Variants in ZNF333 observed in about 807,000 individuals in gnomAD.
ZNF333 encodes zinc finger protein 333.
A neutral mutation model predicts 76.1 loss-of-function variants in ZNF333; 61 were observed. The ratio of observed to expected loss-of-function variants is 0.80; its 90% CI spans 0.65 to 0.99. The LOEUF is 0.99. Ranked by LOEUF, ZNF333 falls within the 50% of genes least tolerant of loss-of-function variation. ZNF333 has a pLI of 0.00. For synonymous variants in ZNF333, 284 were observed against 305.0 expected (o/e 0.93, Z 0.72); for missense variants, 717 against 822.4 (o/e 0.87, Z 1.57).
rs2042399752 is a variant in ZNF333, at chr19:14,715,384, G to A, written c.514G>A (p.Val172Met). The A allele has an allele frequency of 1.9e-6, 3 of 1,613,722 alleles. No homozygotes were observed. Among genetic ancestry groups the A allele is most frequent in the Admixed American group, 1.7e-5 (1 of 59,982 alleles). The change falls in exon 8 of 12, where the codon GTG (valine) becomes ATG (methionine). Residue 172 changes from valine (V) to methionine (M), a missense_variant and splice_region_variant. Coordinates refer to ENST00000292530, the MANE Select transcript of ZNF333 (RefSeq NM_032433.4). The stretch of plus-strand genomic sequence containing the variant: ...ATGCCTCTTCCCTTCTCCCCTAGCT[G>A]TGCCTGCACGTGACCCTGCCTGGCT... The part of the protein sequence containing the change: ...RNPWVARDSA[V>M]PARDPAWLQE...
chr19:14,714,278 A>T (rs1019576277), intron 7 of ZNF333, among the ~76,000 whole-genome samples: 4 of 152,088 alleles, frequency 2.6e-5, no homozygotes, highest in African/African-American at 9.7e-5. Flanking sequence ...CCAAGTTAGG[A>T]GGTCACAAGG....
At chr19:14,694,198 C>T (rs886801502) in intron 2 of ZNF333, among the ~76,000 whole-genome samples, 5 of 152,074 alleles carry the variant, frequency 3.3e-5, no homozygotes, top group African/African-American at 7.2e-5. Flanking sequence ...TGAGGCCGGG[C>T]GTGGTGGCTC....
chr19:14,703,649 G>A (rs1038865474), intron 5 of ZNF333, among the ~76,000 whole-genome samples: 3 of 152,176 alleles, frequency 2.0e-5, no homozygotes, highest in African/African-American at 4.8e-5. Context: ...AGGAGCGAGG[G>A]GATAGCCCAG....
In ZNF333 at chr19:14,720,899, A is replaced by C; in HGVS notation, c.*1574A>C. ...AGTTTTTAAATTTATGTATATACATACATATATATGTTTTGAAGCAATGAA... is the reference window on the plus strand; with the variant it reads ...AGTTTTTAAATTTATGTATATACATCCATATATATGTTTTGAAGCAATGAA... On this transcript the variant is annotated 3_prime_UTR_variant, in exon 12 of 12. Transcript: ENST00000292530. 1.1e-6 allele frequency: 1 copy of C among 876,856 alleles called. No homozygotes were observed. The highest frequency in any genetic ancestry group is 1.4e-6 in the Non-Finnish European group (1 of 731,372). 54.3% of individuals were successfully genotyped at this position (876,856 alleles called of 1,614,324 possible).
exon 12 of ZNF333, chr19:14,733,649 A>G (rs2042700497): frequency 1.3e-5 from 2 of 152,200 alleles, no homozygotes; most frequent in Non-Finnish European, 1.5e-5. Flanking sequence ...AAATCCTTAA[A>G]CACTCTTAGT....
chr19:14,713,256 G>C (rs1466109820), intron 7 of ZNF333, among the ~76,000 whole-genome samples: 4 of 152,136 alleles, frequency 2.6e-5, no homozygotes, highest in Admixed American at 6.6e-5. Context: ...GAGAAAAAGG[G>C]GTCATGGGTC....
chr19:14,718,267 G>C lies in ZNF333; in HGVS notation c.940G>C (p.Glu314Gln). 1 of 1,613,604 alleles carries C rather than the reference G, an allele frequency of 6.2e-7. No individual in the cohort carries two copies. ...TGGAGAAAAACTCTATAAATATAAT[G>C]AACTTGAGAAACCTTTTAACAGCAT... ...QPGEKLYKYN[E>Q]LEKPFNSIEP... The change falls in exon 12 of 12, where the codon GAA (glutamate) becomes CAA (glutamine). Residue 314 changes from glutamate to glutamine, a missense_variant. Glu to Gln is a conservative substitution (Grantham distance 29). Coordinates refer to ENST00000292530, the MANE Select transcript of ZNF333 (RefSeq NM_032433.4).
downstream of ZNF333, among the ~76,000 whole-genome samples, chr19:14,725,175 A>C (rs746387770): frequency 6.6e-6 from 1 of 152,108 alleles, no homozygotes; most frequent in Non-Finnish European, 1.5e-5. Context: ...GGGAGATTGC[A>C]TGCTCTTTTA....
rs537218379 is a variant in ZNF333 at position 14,721,005 on chromosome 19, A to G, written c.*1680A>G. ...TTATAAAGTGATCATCCTTTTCCCT[A>G]TTACTGAACATTCAACCATTCATTG... is the stretch of plus-strand genomic sequence containing the variant. On this transcript the variant is annotated 3_prime_UTR_variant, in exon 12 of 12. Coordinates refer to ENST00000292530, the MANE Select transcript of ZNF333 (RefSeq NM_032433.4). 10 of 890,538 alleles carry G rather than the reference A, an allele frequency of 1.1e-5. No homozygotes were observed. Among genetic ancestry groups the G allele is most frequent in the African/African-American group, 1.8e-5 (1 of 55,258 alleles). 55.2% of individuals were successfully genotyped at this position (890,538 alleles called of 1,614,324 possible).
chr19:14,705,112 C>A lies in ZNF333; in HGVS notation c.365C>A (p.Pro122Gln). 1 of 1,614,014 alleles carries A rather than the reference C, an allele frequency of 6.2e-7. No homozygotes were observed. The highest frequency in any genetic ancestry group is 1.1e-5 in the South Asian group (1 of 91,066). ...LVPSIEERETPLTREDRPALQ... is the reference protein window; with the variant it reads ...LVPSIEERETQLTREDRPALQ... The stretch of plus-strand genomic sequence containing the variant: ...CCCTCCATAGAAGAGAGGGAGACAC[C>A]ATTGACTCGAGAGGACCGGCCAGCT... The change falls in exon 6 of 12, where the codon CCA (proline) becomes CAA (glutamine). Residue 122 changes from proline to glutamine, a missense_variant. Coordinates refer to ENST00000292530, the MANE Select transcript of ZNF333 (RefSeq NM_032433.4).
intron 7 of ZNF333, among the ~76,000 whole-genome samples, chr19:14,712,531 G>T (rs1318706951): frequency 3.9e-5 from 6 of 151,934 alleles, no homozygotes; most frequent in African/African-American, 1.4e-4. Context: ...TAGTTTTTTT[G>T]TAACAGAAAT....
chr19:14,730,396 C>G (rs1243303296), intron 11 of ZNF333, among the ~76,000 whole-genome samples: 1 of 107,360 alleles, frequency 9.3e-6, no homozygotes, highest in Admixed American at 8.7e-5. Flanking sequence ...TTCTTCCCAG[C>G]CCCTTCTCTC....
intron 10 of ZNF333, 88 bp from the exon 11 acceptor site, chr19:14,717,569 A>G: frequency 8.7e-7 from 1 of 1,155,418 alleles, no homozygotes; most frequent in African/African-American, 1.5e-5. Flanking sequence ...AAAAAAGTCC[A>G]CATGTGCCTT....
chr19:14,693,523 A>G (rs1599680315), intron 2 of ZNF333, 29 bp downstream of exon 2: 1 of 1,598,410 alleles, frequency 6.3e-7, no homozygotes, highest in Non-Finnish European at 8.6e-7. Context: ...CCTGTGGCTG[A>G]AGGGGTGGAT....
intron 2 of ZNF333, among the ~76,000 whole-genome samples, chr19:14,693,753 T>C (rs1035971689): frequency 2.6e-5 from 4 of 152,100 alleles, no homozygotes; most frequent in African/African-American, 9.7e-5. Flanking sequence ...ATCCTTGTCA[T>C]CCCTGGTGAG....
chr19:14,698,936 A>ATG (rs1264584009), intron 4 of ZNF333, among the ~76,000 whole-genome samples: 1 of 118,132 alleles, frequency 8.5e-6, no homozygotes, highest in Non-Finnish European at 1.7e-5. Context: ...ATATATATAT[A>ATG]CACACATATA....
At chr19:14,696,368 C>G (rs905297877) in intron 4 of ZNF333, among the ~76,000 whole-genome samples, 3 of 152,130 alleles carry the variant, frequency 2.0e-5, no homozygotes, top group Non-Finnish European at 4.4e-5. Flanking sequence ...CAGCCCCTGG[C>G]AGCCACTAAT....
intron 7 of ZNF333, among the ~76,000 whole-genome samples, chr19:14,712,812 ACT>A (rs1296698626): frequency 6.6e-6 from 1 of 152,012 alleles, no homozygotes; most frequent in African/African-American, 2.4e-5. Flanking sequence ...TGTCGTCTCA[ACT>A]CATTACATCT....
chr19:14,718,718 C>T lies in ZNF333; in HGVS notation c.1391C>T (p.Ser464Phe). ...DCGKAFNQPS[S>F]LRSHVRTHTG... ...GGGAAAGCCTTCAATCAGCCATCAT[C>T]CCTCAGGAGCCACGTGAGAACTCAC... is the stretch of plus-strand genomic sequence containing the variant. The change falls in exon 12 of 12, where the codon TCC becomes TTC. Residue 464 changes from serine to phenylalanine, a missense_variant. Coordinates refer to ENST00000292530, the MANE Select transcript of ZNF333 (RefSeq NM_032433.4). The T allele has an allele frequency of 6.2e-7, 1 of 1,614,034 alleles. No individual in the cohort carries two copies. The highest frequency in any genetic ancestry group is 8.5e-7 in the Non-Finnish European group (1 of 1,180,014).
Sources: gnomAD v4.1 joint callset for allele counts (sites outside exome capture counted in the v4.1 genomes callset) on GRCh38, gnomAD v4.1.1 for gene constraint, MANE v1.5 for transcripts, NCBI Gene and HGNC (gene_info 2026-07-23, HGNC 2026-07-21) for gene names.